The following SFSWAP variants were observed in gnomAD, a reference collection of about 807,000 sequenced individuals.
The protein encoded by SFSWAP is splicing factor SWAP, also known as splicing factor, suppressor of white-apricot homolog.
In SFSWAP, 17 loss-of-function variants were observed where a neutral mutation model predicts 100.7. The observed-to-expected ratio is 0.17, with a 90% CI of 0.12 to 0.25. The LOEUF (loss-of-function observed/expected upper bound fraction) is 0.25. Among genes scored for constraint, SFSWAP ranks in the 10% least tolerant of loss-of-function variants. SFSWAP has a pLI of 1.00. For missense variants in SFSWAP, 1,005 were observed against 1,262.6 expected, an observed-to-expected ratio of 0.80 and a Z score of 3.09; for synonymous variants, 504 against 510.1, an observed-to-expected ratio of 0.99 and a Z score of 0.16.
chr12:131,764,644 A>G lies in SFSWAP; in HGVS notation c.1909A>G (p.Lys637Glu). 2 of 1,614,108 alleles carry G rather than the reference A, an allele frequency of 1.2e-6. No individual in the cohort carries two copies. The highest frequency in any genetic ancestry group is 1.7e-6 in the Non-Finnish European group (2 of 1,179,944). Residue 637 changes from lysine to glutamate, a missense_variant, in exon 12 of 18, where the codon AAG becomes GAG. Lys to Glu is a moderately conservative substitution (Grantham distance 56, BLOSUM62 1). Coordinates refer to ENST00000261674, the MANE Select transcript of SFSWAP (RefSeq NM_004592.4). ...VAPPCVVVEE[K>E]KPQLTQEELE... ...CCCACCCTGTGTAGTTGTTGAGGAG[A>G]AGAAGCCTCAACTTACCCAGGAGGA...
chr12:131,719,018 A>G (rs971856427), intron 3 of SFSWAP, among the ~76,000 whole-genome samples: 2 of 152,144 alleles, frequency 1.3e-5, no homozygotes, highest in Non-Finnish European at 2.9e-5. Flanking sequence ...GTCCGCTTGT[A>G]TGAGGATTTT....
At chr12:131,798,460 G>A (rs979651428) in intron 16 of SFSWAP, among the ~76,000 whole-genome samples, 23 of 152,318 alleles carry the variant, frequency 1.5e-4, no homozygotes, top group African/African-American at 5.3e-4. Context: ...GTTCTGCTGA[G>A]TCTTTCCTTT....
Position 131,736,572 on chromosome 12 carries a change from G to T in SFSWAP, c.1081+8144G>T, listed in dbSNP as rs529730819. On this transcript the variant is annotated intron_variant, in intron 7 of 17. Transcript: ENST00000261674. ...CTCACTGCCTGCTCACAGGCATCGT[G>T]TCCGCCGACCGTAGAACCTGAAATC... 2.2e-4 allele frequency among the ~76,000 whole-genome samples: 34 copies of T among 152,218 alleles called. No individual in the cohort carries two copies. In the South Asian group the frequency reaches 6.8e-3, roughly 31 times the overall value.
At chr12:131,771,907 C>T (rs992014785) in intron 13 of SFSWAP, among the ~76,000 whole-genome samples, 2 of 152,068 alleles carry the variant, frequency 1.3e-5, no homozygotes, top group Non-Finnish European at 2.9e-5. Flanking sequence ...GTGATCAGCC[C>T]GCCTCAGCCT....
At chr12:131,745,142 C>A (rs894105842) in intron 7 of SFSWAP, among the ~76,000 whole-genome samples, 2 of 152,174 alleles carry the variant, frequency 1.3e-5, no homozygotes, top group Non-Finnish European at 2.9e-5. Context: ...ATAATAAATG[C>A]TTTTAAGTAT....
chr12:131,786,384 C>G lies in SFSWAP; in HGVS notation c.2409-79C>G, dbSNP rs1455142332. ...GCAGCCTCTGCAGACGGGGCCTGAT[C>G]TCTGCCAGGGCAGTAGGAAGCATGA... On this transcript the variant is annotated intron_variant, in intron 14 of 17. Transcript: ENST00000261674. 6 of 1,485,162 alleles carry G rather than the reference C, an allele frequency of 4.0e-6. No individual in the cohort carries two copies. The Admixed American group carries it at 1.1e-4, about 26-fold the overall frequency. The allele number at this position is 1,485,162 out of a possible 1,614,324, so 92.0% of individuals were successfully genotyped here.
chr12:131,711,338 G>A lies in SFSWAP; in HGVS notation c.109G>A (p.Val37Ile). 6.2e-7 allele frequency: 1 copy of A among 1,614,038 alleles called. No individual in the cohort carries two copies. The highest frequency in any genetic ancestry group is 8.5e-7 in the Non-Finnish European group (1 of 1,180,022). Residue 37 changes from valine (V) to isoleucine (I), a missense_variant, in exon 1 of 18, where the codon GTT becomes ATT. This residue lies in a region of SFSWAP where 237 missense variants were observed against 337.0 expected (regional missense o/e 0.70). Coordinates refer to ENST00000261674, the MANE Select transcript of SFSWAP (RefSeq NM_004592.4). The surrounding 1 kb of genome is among the most constrained non-coding windows in gnomAD (Gnocchi z 4.9). ...TGGGGGCAGCCGAGTGGAGCTCTTGGTTTTCGGCTATGCCTGCAAGCTGTT... is the reference window on the plus strand; with the variant it reads ...TGGGGGCAGCCGAGTGGAGCTCTTGATTTTCGGCTATGCCTGCAAGCTGTT... ...GGGGSRVELL[V>I]FGYACKLFRD...
chr12:131,786,575 C>A lies in SFSWAP; in HGVS notation c.2521C>A (p.Arg841=). Residue 841 remains arginine, a synonymous_variant, in exon 15 of 18, where the codon CGG becomes AGG. Coordinates refer to ENST00000261674, the MANE Select transcript of SFSWAP (RefSeq NM_004592.4). ...VSRSPGASRK[R]TRSRSPHEKK... ...CCGCAGCCCTGGGGCCAGTAGGAAG[C>A]GGACCCGCTCCAGGTAGGCCACTGG... 6.3e-7 allele frequency: 1 copy of A among 1,589,152 alleles called. No homozygotes were observed. The highest frequency in any genetic ancestry group is 8.6e-7 in the Non-Finnish European group (1 of 1,169,068).
In SFSWAP at chr12:131,754,871, G is replaced by A. The variant is rs1882014389; in HGVS notation, c.1454+372G>A. Among the ~76,000 whole-genome samples, 3 of 151,960 alleles carry A rather than the reference G, an allele frequency of 2.0e-5. No homozygotes were observed. In the South Asian group the frequency reaches 6.2e-4, roughly 32 times the overall value. ...TGGTCTCAAACTCCTGACCTCAAGT[G>A]ATCCACTTGCCTCAGCCTCCCAAAG... is the stretch of plus-strand genomic sequence containing the variant. On this transcript the variant is annotated intron_variant, in intron 9 of 17. Coordinates refer to ENST00000261674, the MANE Select transcript of SFSWAP (RefSeq NM_004592.4).
At chr12:131,780,613 A>G (rs935704250) in intron 14 of SFSWAP, among the ~76,000 whole-genome samples, 2 of 152,212 alleles carry the variant, frequency 1.3e-5, no homozygotes, top group Non-Finnish European at 1.5e-5. Context: ...GCAGTGAGCT[A>G]TGATCACGCC....
At chr12:131,717,878 C>T (rs957622596) in intron 3 of SFSWAP, among the ~76,000 whole-genome samples, 1 of 152,096 alleles carries the variant, frequency 6.6e-6, no homozygotes, top group Non-Finnish European at 1.5e-5. Flanking sequence ...TTACAGGCGC[C>T]CGCCACCACA....
At chr12:131,738,772 C>G (rs1029049402) in intron 7 of SFSWAP, among the ~76,000 whole-genome samples, 29 of 151,882 alleles carry the variant, frequency 1.9e-4, no homozygotes, top group Admixed American at 3.3e-4. Flanking sequence ...GTAGCAACTA[C>G]CTAGTATCCT....
intron 13 of SFSWAP, among the ~76,000 whole-genome samples, chr12:131,776,698 GC>G (rs1274509280): frequency 3.9e-5 from 6 of 152,232 alleles, no homozygotes; most frequent in Admixed American, 2.6e-4. Flanking sequence ...GCAGCTGGGG[GC>G]AGCCTGGGAG....
Position 131,773,062 on chromosome 12 carries a change from T to C in SFSWAP, c.2143-5003T>C, listed in dbSNP as rs1299858418. Among the ~76,000 whole-genome samples the C allele has an allele frequency of 1.1e-4, 17 of 152,104 alleles. No individual in the cohort carries two copies. The East Asian group carries it at 2.3e-3, about 21-fold the overall frequency. On this transcript the variant is annotated intron_variant, in intron 13 of 17. Transcript: ENST00000261674. ...CTTTGTCTGGAGTCTGGGGTTCTTA[T>C]GGGCACAGGATAGGGGGCAGAGCAG...
At chr12:131,766,394 C>G in intron 13 of SFSWAP, 86 bp downstream of exon 13, 1 of 1,281,086 alleles carries the variant, frequency 7.8e-7, no homozygotes, top group South Asian at 1.3e-5. Flanking sequence ...CTGCCCTAGT[C>G]TCTGGCCTGA....
rs1203118625 is a variant in SFSWAP, at chr12:131,766,257, T to G, written c.2091T>G (p.Pro697=). Reference sequence around the variant, plus strand: ...TATTTTTACAGACCCTCAAAAATCCTCTGCCGGAAGCAGAAGCTGGGAAAA... The same window carrying G: ...TATTTTTACAGACCCTCAAAAATCCGCTGCCGGAAGCAGAAGCTGGGAAAA... ...AALFLQTLKN[P]LPEAEAGKIE... is the part of the protein sequence containing the mutation. The change falls in exon 13 of 18, where the codon CCT becomes CCG. Residue 697 remains proline (P), a synonymous_variant. Coordinates refer to ENST00000261674, the MANE Select transcript of SFSWAP (RefSeq NM_004592.4). The G allele has an allele frequency of 6.2e-7, 1 of 1,614,206 alleles. No individual in the cohort carries two copies. The highest frequency in any genetic ancestry group is 8.5e-7 in the Non-Finnish European group (1 of 1,180,034).
At chr12:131,797,429 C>G in intron 16 of SFSWAP, 69 bp downstream of exon 16, 1 of 1,375,452 alleles carries the variant, frequency 7.3e-7, no homozygotes, top group Non-Finnish European at 9.9e-7. Context: ...TCTCCCTCCT[C>G]CCTGAGTCCT....
At position 131,734,797 on chromosome 12, in the gene SFSWAP, G is replaced by A. The variant is rs1036819584; in HGVS notation, c.1081+6369G>A. On this transcript the variant is annotated intron_variant, in intron 7 of 17. Transcript: ENST00000261674. The surrounding 1 kb of genome is among the most constrained non-coding windows in gnomAD (Gnocchi z 4.9). ...GGTGAGATGAACGAGCTCTCCCTGC[G>A]TGCGCACGTCTACGTACGCTCGTGT... is the stretch of plus-strand genomic sequence containing the variant. Among the ~76,000 whole-genome samples, 7 of 152,152 alleles carry A rather than the reference G, an allele frequency of 4.6e-5. No homozygotes were observed. The South Asian group carries it at 6.2e-4, about 14-fold the overall frequency.
intron 13 of SFSWAP, among the ~76,000 whole-genome samples, chr12:131,772,313 G>A (rs1883682348): frequency 6.6e-6 from 1 of 152,190 alleles, no homozygotes; most frequent in African/African-American, 2.4e-5. Flanking sequence ...GTTAGGAAAG[G>A]TGATTTTACA....
Sources: gnomAD v4.1 joint callset for allele counts (sites outside exome capture counted in the v4.1 genomes callset) on GRCh38, gnomAD v4.1.1 for gene constraint, gnomAD v4.1.1 regional missense constraint, Gnocchi (gnomAD v3.1) non-coding constraint, MANE v1.5 for transcripts, NCBI Gene and HGNC (gene_info 2026-07-23, HGNC 2026-07-21) for gene names.